CALN1: variants seen among roughly 807,000 people sequenced by gnomAD.
CALN1 encodes calneuron 1.
A neutral mutation model predicts 30.6 loss-of-function variants in CALN1; 17 were observed. The observed-to-expected ratio is 0.56, with a 90% CI of 0.38 to 0.83. CALN1 has a LOEUF of 0.83. Ranked by LOEUF, CALN1 falls within the 40% of genes least tolerant of loss-of-function variation. CALN1 has a pLI of 0.00. For missense variants in CALN1, 291 were observed against 354.9 expected (o/e 0.82, Z 1.45); for synonymous variants, 156 against 131.4 (o/e 1.19, Z -1.28).
At chr7:71,941,952 A>G (rs948425542) in intron 5 of CALN1, among the ~76,000 whole-genome samples, 12 of 152,272 alleles carry the variant, frequency 7.9e-5, no homozygotes, top group African/African-American at 2.9e-4. Context: ...TAATCCCAGC[A>G]CTTTGGGAGG....
intron 5 of CALN1, among the ~76,000 whole-genome samples, chr7:71,870,252 A>G (rs942607949): frequency 1.8e-4 from 27 of 152,062 alleles, no homozygotes; most frequent in African/African-American, 5.1e-4. Flanking sequence ...GCATGGTGGC[A>G]TGTGCCTGTA....
chr7:72,503,247 T>A, the CALN1 span, among the ~76,000 whole-genome samples: 2 of 152,172 alleles, frequency 1.3e-5, no homozygotes, highest in African/African-American at 4.8e-5. Flanking sequence ...CTATTCAGGA[T>A]GATCATTTTT....
chr7:72,364,727 TTAGC>T (rs1803779484), intron 2 of CALN1, among the ~76,000 whole-genome samples: 6 of 152,234 alleles, frequency 3.9e-5, no homozygotes, highest in Admixed American at 3.9e-4. Flanking sequence ...GGTGTGTTAA[TTAGC>T]TTGATTTAAT....
At chr7:72,488,691 C>CT in the CALN1 span, among the ~76,000 whole-genome samples, 2 of 151,154 alleles carry the variant, frequency 1.3e-5, no homozygotes, top group African/African-American at 2.4e-5. Flanking sequence ...TACCCATTCA[C>CT]TTTTTTTTTA....
intron 3 of CALN1, among the ~76,000 whole-genome samples, chr7:72,160,279 TAG>T (rs1585063078): frequency 3.2e-5 from 3 of 92,922 alleles, no homozygotes; most frequent in Admixed American, 2.7e-4. Flanking sequence ...ATTTTCTTTT[TAG>T]TTTTTTTTTT....
intron 3 of CALN1, among the ~76,000 whole-genome samples, chr7:72,157,346 C>T (rs1291195432): frequency 6.6e-6 from 1 of 152,094 alleles, no homozygotes; most frequent in Non-Finnish European, 1.5e-5. Context: ...TGCAGTGGCT[C>T]ACACCTGTAA....
chr7:72,132,620 C>T (rs545049444), intron 3 of CALN1, among the ~76,000 whole-genome samples: 1 of 152,286 alleles, frequency 6.6e-6, no homozygotes, highest in Non-Finnish European at 1.5e-5. Flanking sequence ...GGCAGCTGCA[C>T]AGCCAGTCTA....
At chr7:72,148,614 G>A (rs866597320) in intron 3 of CALN1, among the ~76,000 whole-genome samples, 12 of 149,870 alleles carry the variant, frequency 8.0e-5, no homozygotes, top group African/African-American at 2.5e-4. Context: ...TCAAAGAAAA[G>A]AAAAAAGAGG....
At chr7:72,106,010 GC>G in intron 4 of CALN1, 140 bp downstream of exon 4, 1 of 1,132,202 alleles carries the variant, frequency 8.8e-7, no homozygotes, top group Non-Finnish European at 1.2e-6. Flanking sequence ...TACTGAAAAA[GC>G]CTGTTCTAGT....
intron 5 of CALN1, among the ~76,000 whole-genome samples, chr7:71,869,167 G>C (rs111447969): frequency 0.035 from 5,259 of 152,020 alleles, 282 homozygotes; most frequent in African/African-American, 0.12. Flanking sequence ...CTAGAGATCT[G>C]TATAGCAGAG....
At chr7:71,949,046 A>T (rs1176809009) in intron 5 of CALN1, among the ~76,000 whole-genome samples, 15 of 8,174 alleles carry the variant, frequency 1.8e-3, no homozygotes, top group Admixed American at 4.3e-3. Flanking sequence ...CTGTCTCTTA[A>T]AAAAAAAAAA....
At chr7:72,252,824 C>A (rs994200777) in intron 3 of CALN1, among the ~76,000 whole-genome samples, 1 of 152,152 alleles carries the variant, frequency 6.6e-6, no homozygotes, top group Non-Finnish European at 1.5e-5. Flanking sequence ...CCTGCTGCCA[C>A]AAGAGCAGAA....
At chr7:71,845,625 C>T (rs922242895) in intron 5 of CALN1, among the ~76,000 whole-genome samples, 2 of 152,198 alleles carry the variant, frequency 1.3e-5, no homozygotes, top group Admixed American at 6.5e-5. Context: ...GGTTCATCAG[C>T]ATGGCTGGGG....
At chr7:72,299,499 G>A (rs1799103127) in intron 2 of CALN1, among the ~76,000 whole-genome samples, 1 of 116,804 alleles carries the variant, frequency 8.6e-6, no homozygotes, top group South Asian at 2.8e-4. Context: ...AGCCTTGCCA[G>A]TATAAAAATA....
intron 5 of CALN1, among the ~76,000 whole-genome samples, chr7:71,941,686 A>T (rs1796138790): frequency 6.6e-6 from 1 of 152,226 alleles, no homozygotes; most frequent in South Asian, 2.1e-4. Flanking sequence ...AGAAAAAAGA[A>T]TCTTTTGTGC....
chr7:72,157,059 T>G (rs1787740361), intron 3 of CALN1, among the ~76,000 whole-genome samples: 1 of 152,136 alleles, frequency 6.6e-6, no homozygotes, highest in African/African-American at 2.4e-5. Flanking sequence ...TATAAAACAA[T>G]GTACTAATTT....
intron 1 of CALN1, among the ~76,000 whole-genome samples, chr7:72,430,930 G>C (rs1367017453): frequency 6.6e-6 from 1 of 151,356 alleles, no homozygotes; most frequent in African/African-American, 2.4e-5. Context: ...TCACAGTGTT[G>C]GGAAAATAAC....
Position 72,403,370 on chromosome 7 carries a change from C to T in CALN1, c.-1G>A, listed in dbSNP as rs777982409. On this transcript the variant is annotated 5_prime_UTR_variant, in exon 2 of 7. Transcript: ENST00000395275. ...CTCCGGGTTGCTCTGGCAGCCGCAT[C>T]GGGGGTCCAGGGCGATGTTCTCAGA... 11 of 1,544,924 alleles carry T rather than the reference C, an allele frequency of 7.1e-6. No homozygotes were observed. In the African/African-American group the frequency reaches 1.1e-4, roughly 15 times the overall value.
intron 3 of CALN1, among the ~76,000 whole-genome samples, chr7:72,204,920 CTA>C (rs1791714224): frequency 6.6e-6 from 1 of 152,126 alleles, no homozygotes; most frequent in South Asian, 2.1e-4. Flanking sequence ...CACATATTGT[CTA>C]AATTCCATAC....
Sources: allele counts gnomAD v4.1 joint callset (sites outside exome capture counted in the v4.1 genomes callset), GRCh38; gene constraint gnomAD v4.1.1; transcripts MANE v1.5; gene names NCBI Gene and HGNC (gene_info 2026-07-23, HGNC 2026-07-21).